The following PCDH9 variants were observed in gnomAD, a reference collection of about 807,000 sequenced individuals.
The protein encoded by PCDH9 is protocadherin 9.
A neutral mutation model predicts 70.6 loss-of-function variants in PCDH9; 24 were observed. The ratio of observed to expected loss-of-function variants is 0.34; its 90% CI spans 0.25 to 0.48. The LOEUF (loss-of-function observed/expected upper bound fraction) is 0.48. Among genes scored for constraint, PCDH9 ranks in the 20% least tolerant of loss-of-function variants. The pLI is 0.99. For synonymous variants in PCDH9, 562 were observed against 558.5 expected, an observed-to-expected ratio of 1.01 and a Z score of -0.09; for missense variants, 1,281 against 1,503.6, an observed-to-expected ratio of 0.85 and a Z score of 2.45.
chr13:67,167,285 T>C (rs2088144611), intron 2 of PCDH9, among the ~76,000 whole-genome samples: 1 of 152,088 alleles, frequency 6.6e-6, no homozygotes, highest in African/African-American at 2.4e-5. Flanking sequence ...TCTCAGCAAA[T>C]TACTTAAGTT....
At chr13:66,794,279 A>C (rs2139325332) in intron 3 of PCDH9, among the ~76,000 whole-genome samples, 1 of 152,278 alleles carries the variant, frequency 6.6e-6, no homozygotes, top group South Asian at 2.1e-4. Context: ...AAGGAAGGAA[A>C]GAAGGAAAGA....
At chr13:66,317,747 AAG>A (rs896596773) in intron 4 of PCDH9, among the ~76,000 whole-genome samples, 22 of 152,314 alleles carry the variant, frequency 1.4e-4, no homozygotes, top group African/African-American at 5.0e-4. Context: ...AAGAAAAAAA[AAG>A]ATGATTAGCA....
At chr13:66,533,521 A>G (rs1313848336) in intron 4 of PCDH9, among the ~76,000 whole-genome samples, 2 of 152,134 alleles carry the variant, frequency 1.3e-5, no homozygotes, top group Non-Finnish European at 2.9e-5. Context: ...AATAAAAATC[A>G]TTGTTCCCTG....
chr13:66,721,554 A>G (rs1484444452), intron 3 of PCDH9, among the ~76,000 whole-genome samples: 1 of 151,594 alleles, frequency 6.6e-6, no homozygotes, highest in Non-Finnish European at 1.5e-5. Context: ...TTTTTTTCTT[A>G]CTGTAGCATG....
chr13:66,905,330 G>A lies in PCDH9; in HGVS notation c.3037-1725C>T, dbSNP rs181577427. Among the ~76,000 whole-genome samples, 529 of 152,154 alleles carry A rather than the reference G, an allele frequency of 3.5e-3. 3 individuals are homozygous for A. The highest frequency in any genetic ancestry group is 0.012 in the African/African-American group (506 of 41,534). On this transcript the variant is annotated intron_variant, in intron 2 of 4. Transcript: ENST00000377865. ...TTTAAAAGGTTTCATGTATCATATA[G>A]TTTTTCTCCTAAGAAACATTTCCTA...
intron 3 of PCDH9, among the ~76,000 whole-genome samples, chr13:66,812,664 G>A (rs2080530208): frequency 6.6e-6 from 1 of 152,176 alleles, no homozygotes; most frequent in South Asian, 2.1e-4. Context: ...CTACATCTAG[G>A]TATGCAATGT....
At chr13:66,404,071 G>A (rs1036972610) in intron 4 of PCDH9, among the ~76,000 whole-genome samples, 1 of 152,154 alleles carries the variant, frequency 6.6e-6, no homozygotes, top group Non-Finnish European at 1.5e-5. Context: ...TCATGGGTAC[G>A]TTAACTATCA....
chr13:66,564,968 G>C (rs1212764107), intron 4 of PCDH9, among the ~76,000 whole-genome samples: 1 of 151,780 alleles, frequency 6.6e-6, no homozygotes, highest in Non-Finnish European at 1.5e-5. Context: ...CTCTCTGATA[G>C]ACATCATGGG....
intron 4 of PCDH9, among the ~76,000 whole-genome samples, chr13:66,583,031 T>C (rs1423922581): frequency 6.6e-6 from 1 of 151,976 alleles, no homozygotes; most frequent in East Asian, 1.9e-4. Flanking sequence ...TAGACCTCAT[T>C]TACATTTTGT....
chr13:66,451,362 T>C (rs1958205636), intron 4 of PCDH9, among the ~76,000 whole-genome samples: 1 of 152,188 alleles, frequency 6.6e-6, no homozygotes, highest in Admixed American at 6.5e-5. Context: ...AATATGATTA[T>C]TGCAAAATAA....
intron 2 of PCDH9, among the ~76,000 whole-genome samples, chr13:66,910,587 G>T (rs908521309): frequency 2.6e-5 from 4 of 152,152 alleles, no homozygotes; most frequent in Non-Finnish European, 4.4e-5. Flanking sequence ...GGATCTTAAA[G>T]TCCGAAGTAA....
chr13:66,728,949 G>T (rs1005123625), intron 3 of PCDH9, among the ~76,000 whole-genome samples: 4 of 151,612 alleles, frequency 2.6e-5, no homozygotes, highest in African/African-American at 9.7e-5. Flanking sequence ...TGTCCATGGT[G>T]TTTTTTTCTT....
intron 2 of PCDH9, chr13:67,001,860 C>A (rs773950452): frequency 6.6e-6 from 1 of 152,144 alleles, no homozygotes; most frequent in African/African-American, 2.4e-5. Flanking sequence ...GGTAACTACA[C>A]GGCAGAAAAC....
intron 4 of PCDH9, among the ~76,000 whole-genome samples, chr13:66,473,318 T>G (rs942320685): frequency 2.0e-5 from 3 of 152,088 alleles, no homozygotes; most frequent in Admixed American, 2.0e-4. Flanking sequence ...ATATTTGCTA[T>G]GCTTACTTTC....
chr13:67,131,664 A>C (rs2087115359), intron 2 of PCDH9, among the ~76,000 whole-genome samples: 1 of 152,210 alleles, frequency 6.6e-6, no homozygotes, highest in Non-Finnish European at 1.5e-5. Flanking sequence ...AGAAAAATTC[A>C]GAGAATGTTT....
intron 3 of PCDH9, among the ~76,000 whole-genome samples, chr13:66,715,367 C>T (rs142957912): frequency 7.2e-5 from 11 of 152,012 alleles, no homozygotes; most frequent in Admixed American, 3.9e-4. Flanking sequence ...GTTTGTGTTT[C>T]GGTAATGCTA....
chr13:66,421,384 C>T (rs1957563912), intron 4 of PCDH9, among the ~76,000 whole-genome samples: 2 of 152,004 alleles, frequency 1.3e-5, no homozygotes, highest in Admixed American at 1.3e-4. Flanking sequence ...GTCAGATTAA[C>T]CAAGGTTGAT....
chr13:66,748,121 G>A (rs2079400974), intron 3 of PCDH9, among the ~76,000 whole-genome samples: 1 of 152,136 alleles, frequency 6.6e-6, no homozygotes, highest in Non-Finnish European at 1.5e-5. Context: ...GAAGCATATT[G>A]TAAATTTAAG....
chr13:66,403,143 A>G (rs1475747423), intron 4 of PCDH9, among the ~76,000 whole-genome samples: 1 of 151,644 alleles, frequency 6.6e-6, no homozygotes, highest in Non-Finnish European at 1.5e-5. Context: ...TGTACAATTT[A>G]TTCATTTTTT....
Sources: gnomAD v4.1 joint callset for allele counts (sites outside exome capture counted in the v4.1 genomes callset) on GRCh38, gnomAD v4.1.1 for gene constraint, MANE v1.5 for transcripts, NCBI Gene and HGNC (gene_info 2026-07-23, HGNC 2026-07-21) for gene names.